WWOX: variants seen among roughly 807,000 people sequenced by gnomAD.
WWOX encodes the protein WW domain-containing oxidoreductase.
Under a neutral mutation model 46.2 loss-of-function variants are expected in WWOX, and 69 were observed. That is an observed-to-expected ratio of 1.49 (90% CI 1.23 to 1.82). WWOX has a LOEUF of 1.82. Among genes scored for constraint, WWOX ranks in the 40% most tolerant of loss-of-function variants. The pLI is 0.00. For missense variants in WWOX, 919 were observed against 542.6 expected (o/e 1.69, Z -6.89); for synonymous variants, 359 against 202.6 (o/e 1.77, Z -6.56).
intron 8 of WWOX, among the ~76,000 whole-genome samples, chr16:78,803,460 T>G (rs2050948360): frequency 6.6e-6 from 1 of 152,164 alleles, no homozygotes; most frequent in South Asian, 2.1e-4. Flanking sequence ...TCTTTTTTCT[T>G]TTTTGAGACA....
At chr16:78,302,357 A>G (rs1194202288) in intron 5 of WWOX, among the ~76,000 whole-genome samples, 2 of 152,104 alleles carry the variant, frequency 1.3e-5, no homozygotes, top group East Asian at 1.9e-4. Context: ...TTAATTATCA[A>G]CTAACTCCCA....
intron 8 of WWOX, among the ~76,000 whole-genome samples, chr16:79,192,658 C>T (rs1423440295): frequency 6.6e-6 from 1 of 152,124 alleles, no homozygotes; most frequent in Admixed American, 6.5e-5. Context: ...TGGAGCCTTT[C>T]CCTCATTTTT....
intron 8 of WWOX, among the ~76,000 whole-genome samples, chr16:78,571,005 G>A (rs1337594811): frequency 6.6e-6 from 1 of 152,164 alleles, no homozygotes; most frequent in East Asian, 1.9e-4. Context: ...AAGAGACTAT[G>A]TTGCCCAGAT....
chr16:78,932,036 G>C (rs927432022), intron 8 of WWOX, among the ~76,000 whole-genome samples: 3 of 152,326 alleles, frequency 2.0e-5, no homozygotes, highest in Admixed American at 2.0e-4. Flanking sequence ...CCGTGATTGT[G>C]AGACTTTCCC....
At chr16:79,124,139 G>C (rs1235820176) in intron 8 of WWOX, among the ~76,000 whole-genome samples, 1 of 152,040 alleles carries the variant, frequency 6.6e-6, no homozygotes, top group East Asian at 1.9e-4. Context: ...TATAAACTTC[G>C]GATGGTGCCC....
At chr16:78,598,673 G>C (rs1372201957) in intron 8 of WWOX, among the ~76,000 whole-genome samples, 1 of 152,128 alleles carries the variant, frequency 6.6e-6, no homozygotes, top group Non-Finnish European at 1.5e-5. Flanking sequence ...CACAGCACTG[G>C]TTGAAGCAGG....
intron 8 of WWOX, among the ~76,000 whole-genome samples, chr16:78,546,373 A>G (rs994561247): frequency 3.9e-5 from 6 of 152,124 alleles, no homozygotes; most frequent in Non-Finnish European, 7.4e-5. Context: ...TCTGTATACA[A>G]CAGGTTTCGG....
intron 8 of WWOX, among the ~76,000 whole-genome samples, chr16:78,578,280 A>ATTTTTTTTTTTTTTTTTTT (rs1433554555): frequency 2.8e-5 from 1 of 35,438 alleles, no homozygotes; most frequent in African/African-American, 1.4e-4. Flanking sequence ...ATATATATAT[A>ATTTTTTTTTTTTTTTTTTT]TATATTTTTT....
At chr16:79,206,103 A>G (rs1244076924) in intron 8 of WWOX, 2 of 152,092 alleles carry the variant, frequency 1.3e-5, no homozygotes, top group East Asian at 3.9e-4. Context: ...TATCATTTCA[A>G]TTTAGCTCCA....
chr16:78,484,827 G>T (rs1346872416), intron 8 of WWOX, among the ~76,000 whole-genome samples: 2 of 152,164 alleles, frequency 1.3e-5, no homozygotes, highest in African/African-American at 4.8e-5. Context: ...GATGGGTGGG[G>T]TGGGGGGAAG....
At chr16:78,163,149 T>A (rs2034851573) in intron 4 of WWOX, among the ~76,000 whole-genome samples, 1 of 152,220 alleles carries the variant, frequency 6.6e-6, no homozygotes, top group South Asian at 2.1e-4. Context: ...AGCTATTTTG[T>A]TTGAATGTCT....
chr16:78,915,440 A>T (rs1231334103), intron 8 of WWOX, among the ~76,000 whole-genome samples: 1 of 152,214 alleles, frequency 6.6e-6, no homozygotes, highest in African/African-American at 2.4e-5. Context: ...AAATCGACTT[A>T]ATATGACTTG....
intron 8 of WWOX, among the ~76,000 whole-genome samples, chr16:79,085,778 G>A (rs2048843421): frequency 6.6e-6 from 1 of 152,154 alleles, no homozygotes; most frequent in Non-Finnish European, 1.5e-5. Context: ...AGGCATAGTG[G>A]CTCACACCTG....
Position 79,103,631 on chromosome 16 carries a change from C to G in WWOX, c.1057-107977C>G, listed in dbSNP as rs542714562. Among the ~76,000 whole-genome samples, 5 of 152,280 alleles carry G rather than the reference C, an allele frequency of 3.3e-5. No homozygotes were observed. The South Asian group carries it at 1.0e-3, about 32-fold the overall frequency. ...TGCTAAAGGAATTAATTTTTAAGAT[C>G]TTAACAAATCCAGTAACATTTAAAA... On this transcript the variant is annotated intron_variant, in intron 8 of 8. Transcript: ENST00000566780.
At chr16:78,280,921 AACTGTTCGAGAATTATGTTAACATC>A (rs1463537253) in intron 5 of WWOX, 1 of 153,330 alleles carries the variant, frequency 6.5e-6, no homozygotes, top group African/African-American at 2.4e-5. Flanking sequence ...TTCAGCCAAC[AACTGTTCGAGAATTATGTTAACATC>A]ACATGCAGGA....
At chr16:78,343,329 C>T (rs1316374168) in intron 5 of WWOX, among the ~76,000 whole-genome samples, 1 of 121,328 alleles carries the variant, frequency 8.2e-6, no homozygotes, top group East Asian at 1.9e-4. Flanking sequence ...TCCTCGCCTA[C>T]TTGCTTCTAG....
chr16:78,381,144 C>G (rs1414234580), intron 5 of WWOX, among the ~76,000 whole-genome samples: 2 of 152,196 alleles, frequency 1.3e-5, no homozygotes, highest in African/African-American at 4.8e-5. Flanking sequence ...CTCCCCATTT[C>G]TCTGTTTAAA....
chr16:78,684,667 G>T (rs569821678), intron 8 of WWOX, among the ~76,000 whole-genome samples: 5 of 152,158 alleles, frequency 3.3e-5, no homozygotes, highest in African/African-American at 1.2e-4. Context: ...TCATGGATGG[G>T]GTTGGGGGAC....
chr16:78,615,096 C>G (rs192798212), intron 8 of WWOX, among the ~76,000 whole-genome samples: 2 of 152,106 alleles, frequency 1.3e-5, no homozygotes, highest in Non-Finnish European at 2.9e-5. Context: ...TAGTGAAATT[C>G]TATGTGTAAA....
Sources: allele counts gnomAD v4.1 joint callset (sites outside exome capture counted in the v4.1 genomes callset), GRCh38; gene constraint gnomAD v4.1.1; transcripts MANE v1.5; gene names NCBI Gene and HGNC (gene_info 2026-07-23, HGNC 2026-07-21).